Variants in XIST observed in about 807,000 individuals in gnomAD.
XIST encodes the protein X inactive specific transcript, also known as X inactive specific transcript (non-protein coding).
exon 1 of XIST, chrX:73,842,881 A>T (rs929365177): frequency 3.6e-6 from 2 of 558,438 alleles, no homozygotes; most frequent in Non-Finnish European, 6.5e-6. Flanking sequence ...TGAGATTGTG[A>T]GCAATAGTCT....
chrX:73,828,577 A>G lies in XIST; in HGVS notation n.11916+491T>C, dbSNP rs1933013940. 5.3e-5 allele frequency: 6 copies of G among 113,687 alleles called. No individual in the cohort carries two copies. In the Admixed American group the frequency reaches 5.5e-4, roughly 10 times the overall value. The allele number at this position is 113,687 out of a possible 1,213,427, so 9.4% of individuals were successfully genotyped here. On this transcript the variant is annotated intron_variant and non_coding_transcript_variant, in intron 5 of 5. Coordinates refer to ENST00000429829, the Ensembl canonical transcript of XIST. ...AAGTATTTTCATAAAAGGCTCTTTG[A>G]TAGGACTTGCTCAATCCCCTCCTTT...
chrX:73,825,226 G>C, exon 6 of XIST: 1 of 558,469 alleles, frequency 1.8e-6, no homozygotes, highest in East Asian at 3.2e-5. Flanking sequence ...TCTGATACCT[G>C]GAATACTGCA....
exon 6 of XIST, chrX:73,823,820 G>A: frequency 3.6e-6 from 2 of 555,817 alleles, no homozygotes; most frequent in Non-Finnish European, 6.5e-6. Flanking sequence ...AATGACTTTT[G>A]GTCTGGATCT....
At chrX:73,821,202 G>T (rs1297070068) in exon 6 of XIST, 1 of 557,069 alleles carries the variant, frequency 1.8e-6, no homozygotes, top group Admixed American at 2.2e-5. Flanking sequence ...ATGAAAACTA[G>T]AAAATTTCAA....
At chrX:73,848,544 T>A in exon 1 of XIST, 1 of 557,970 alleles carries the variant, frequency 1.8e-6, no homozygotes, top group East Asian at 3.2e-5. Flanking sequence ...CCTTGGGTGA[T>A]CAGCCCACAT....
chrX:73,849,496 G>A (rs762207445), exon 1 of XIST: 3 of 559,012 alleles, frequency 5.4e-6, no homozygotes, highest in Admixed American at 4.4e-5. Flanking sequence ...AGCAATGACA[G>A]AGAAATGGTT....
Position 73,833,465 on chromosome X carries a change from A to G in XIST, n.11407-91T>C, listed in dbSNP as rs1221190685. 4 of 464,587 alleles carry G rather than the reference A, an allele frequency of 8.6e-6. No homozygotes were observed. The Admixed American group carries it at 1.2e-4, about 14-fold the overall frequency. The allele number at this position is 464,587 out of a possible 1,213,427, so 38.3% of individuals were successfully genotyped here. A position where few individuals can be genotyped will look rare whatever the true frequency, so the allele number is the denominator to read the frequency against. On this transcript the variant is annotated intron_variant and non_coding_transcript_variant, in intron 2 of 5. Transcript: ENST00000429829. The stretch of plus-strand genomic sequence containing the variant: ...AAACCCCAATGAAAAAAACCTAGGA[A>G]GTATAAACTGAAGCATTAGACATAG...
chrX:73,842,064 A>G, exon 1 of XIST: 1 of 550,391 alleles, frequency 1.8e-6, no homozygotes, highest in Non-Finnish European at 3.3e-6. Flanking sequence ...CTCAGTTAAA[A>G]TGAGAGACAC....
chrX:73,842,233 A>G (rs1289853212), exon 1 of XIST: 3 of 524,151 alleles, frequency 5.7e-6, no homozygotes, highest in Admixed American at 2.6e-5. Flanking sequence ...GGCACTTTAC[A>G]ATAACAATAT....
intron 3 of XIST, among the ~76,000 whole-genome samples, chrX:73,832,466 TC>T (rs1922406821): frequency 8.9e-6 from 1 of 111,755 alleles, no homozygotes; most frequent in Non-Finnish European, 1.9e-5. Flanking sequence ...TTTAACAATT[TC>T]AATTGTTTTT....
At chrX:73,844,384 G>A in exon 1 of XIST, 1 of 558,718 alleles carries the variant, frequency 1.8e-6, no homozygotes, top group African/African-American at 2.2e-5. Context: ...GGGAGTCCAT[G>A]AGAAGGTGCC....
chrX:73,851,268 A>C (rs755021567), exon 1 of XIST: 3 of 557,969 alleles, frequency 5.4e-6, no homozygotes, highest in African/African-American at 4.4e-5. Context: ...CATGATATAC[A>C]TATGACAACG....
chrX:73,849,713 G>A (rs1390946973), exon 1 of XIST: 2 of 557,083 alleles, frequency 3.6e-6, no homozygotes, highest in Admixed American at 4.4e-5. Context: ...CAATGCCAAG[G>A]GTAAACGGAA....
exon 1 of XIST, chrX:73,845,071 G>A (rs745502311): frequency 1.8e-6 from 1 of 556,586 alleles, no homozygotes; most frequent in Non-Finnish European, 3.2e-6. Context: ...CTGAGAGTAG[G>A]ACCTTATTCA....
At chrX:73,847,178 G>A (rs778187235) in exon 1 of XIST, 5 of 559,181 alleles carry the variant, frequency 8.9e-6, no homozygotes, top group South Asian at 6.7e-5. Context: ...GCAAATATAA[G>A]TATGCACATT....
exon 6 of XIST, chrX:73,825,476 T>C (rs1419134009): frequency 1.9e-6 from 1 of 521,929 alleles, no homozygotes. Flanking sequence ...TCAATAATCA[T>C]TGCATTTTTA....
Position 73,827,436 on chromosome X carries a change from C to T in XIST, n.12465G>A, listed in dbSNP as rs763540281. 1.1e-5 allele frequency: 6 copies of T among 545,814 alleles called. No homozygotes were observed. In the South Asian group the frequency reaches 1.4e-4, roughly 13 times the overall value. 45.0% of individuals were successfully genotyped at this position (545,814 alleles called of 1,213,427 possible). A position where few individuals can be genotyped will look rare whatever the true frequency, so the allele number is the denominator to read the frequency against. ...GAAGAAGCAGAGAACAAATACAAGC[C>T]AACAGAGATTAATACTGAAATAGAA... On this transcript the variant is annotated non_coding_transcript_exon_variant, in exon 6 of 6. Coordinates refer to ENST00000429829, the Ensembl canonical transcript of XIST.
At chrX:73,844,032 G>C in exon 1 of XIST, 1 of 558,834 alleles carries the variant, frequency 1.8e-6, no homozygotes, top group Non-Finnish European at 3.2e-6. Flanking sequence ...TAGGGTTGTG[G>C]ACAACTGCAA....
exon 6 of XIST, chrX:73,825,002 G>T (rs759531259): frequency 3.9e-6 from 2 of 515,967 alleles, no homozygotes; most frequent in Admixed American, 2.6e-5. Context: ...TCATAAATAT[G>T]TAGCCCATTG....
Sources: gnomAD v4.1 joint callset for allele counts (sites outside exome capture counted in the v4.1 genomes callset) on GRCh38, gnomAD v4.1.1 for gene constraint, MANE v1.5 for transcripts, NCBI Gene and HGNC (gene_info 2026-07-23, HGNC 2026-07-21) for gene names.